STAU2: variants seen among roughly 807,000 people sequenced by gnomAD.
STAU2 encodes double-stranded RNA-binding protein Staufen homolog 2.
A neutral mutation model predicts 65.9 loss-of-function variants in STAU2; 20 were observed. The ratio of observed to expected loss-of-function variants is 0.30; its 90% confidence interval spans 0.21 to 0.44. The LOEUF is 0.44. STAU2 is among the 20% of genes least tolerant of loss of function. STAU2 has a pLI of 1.00. For synonymous variants in STAU2, 232 were observed against 233.9 expected (o/e 0.99, Z 0.07); for missense variants, 558 against 683.9 (o/e 0.82, Z 2.05).
At chr8:73,463,710 CCT>C (rs918533946) in intron 13 of STAU2, among the ~76,000 whole-genome samples, 8 of 152,166 alleles carry the variant, frequency 5.3e-5, no homozygotes, top group African/African-American at 1.9e-4. Context: ...CAGGAAATTT[CCT>C]CTGTTCCTTG....
chr8:73,423,482 C>A (rs990682791), intron 13 of STAU2, among the ~76,000 whole-genome samples: 3 of 152,164 alleles, frequency 2.0e-5, no homozygotes, highest in Non-Finnish European at 4.4e-5. Context: ...CTCCCCCAAG[C>A]CCGACACTGC....
chr8:73,490,282 C>T (rs1444472869), intron 13 of STAU2, among the ~76,000 whole-genome samples: 2 of 151,982 alleles, frequency 1.3e-5, no homozygotes, highest in Non-Finnish European at 2.9e-5. Context: ...ATGGACACCG[C>T]GCAACCCTCT....
At chr8:73,553,644 C>G (rs1436196064) in intron 12 of STAU2, among the ~76,000 whole-genome samples, 3 of 151,906 alleles carry the variant, frequency 2.0e-5, no homozygotes, top group African/African-American at 7.3e-5. Context: ...GAGGCTAGCC[C>G]AACTCTCCTC....
intron 13 of STAU2, chr8:73,527,608 T>A (rs1221046582): frequency 1.0e-6 from 1 of 991,240 alleles, no homozygotes; most frequent in African/African-American, 1.6e-5. Context: ...CAAAGCTGCA[T>A]GTGCGCACAT....
rs1387667933 is a variant in STAU2, at chr8:73,738,311, A to G, written c.-45T>C. On this transcript the variant is annotated 5_prime_UTR_variant, in exon 3 of 15. Coordinates refer to ENST00000524300, the MANE Select transcript of STAU2 (RefSeq NM_001164380.2). ...GATTTATTTGAAGCATGTTAAGACA[A>G]TATTGACCAAACTGCTGTATCCCTC... 3 of 1,606,654 alleles carry G rather than the reference A, an allele frequency of 1.9e-6. No homozygotes were observed. Among genetic ancestry groups the G allele is most frequent in the Non-Finnish European group, 2.5e-6 (3 of 1,177,702 alleles).
Position 73,422,528 on chromosome 8 carries a change from G to T in STAU2, c.1619+86C>A. 3 of 1,071,328 alleles carry T rather than the reference G, an allele frequency of 2.8e-6. No individual in the cohort carries two copies. In the South Asian group the frequency reaches 5.6e-5, roughly 20 times the overall value. 66.4% of individuals were successfully genotyped at this position (1,071,328 alleles called of 1,614,324 possible). On this transcript the variant is annotated intron_variant, in intron 14 of 14. Coordinates refer to ENST00000524300, the MANE Select transcript of STAU2 (RefSeq NM_001164380.2). ...TGTGTAAGATGTAGATACTATTGTCGACTTTTTAAAACATTATTATCTATG... is the reference window on the plus strand; with the variant it reads ...TGTGTAAGATGTAGATACTATTGTCTACTTTTTAAAACATTATTATCTATG...
At chr8:73,572,518 G>A (rs1053440749) in intron 12 of STAU2, among the ~76,000 whole-genome samples, 16 of 152,094 alleles carry the variant, frequency 1.1e-4, no homozygotes, top group African/African-American at 1.9e-4. Context: ...CTGGCAAACC[G>A]AATCCAGCAA....
chr8:73,618,497 GT>G (rs1347944705), intron 6 of STAU2, among the ~76,000 whole-genome samples: 4 of 152,220 alleles, frequency 2.6e-5, no homozygotes, highest in Non-Finnish European at 4.4e-5. Flanking sequence ...TCTGGCAAAA[GT>G]TTAGGGAGAC....
At chr8:73,573,856 T>C (rs1586036002) in intron 12 of STAU2, among the ~76,000 whole-genome samples, 1 of 151,866 alleles carries the variant, frequency 6.6e-6, no homozygotes, top group African/African-American at 2.4e-5. Context: ...AAGGAGTTCA[T>C]GACTAAAACA....
intron 13 of STAU2, among the ~76,000 whole-genome samples, chr8:73,483,919 C>T (rs1820777586): frequency 6.6e-6 from 1 of 152,124 alleles, no homozygotes; most frequent in African/African-American, 2.4e-5. Context: ...AGAGTCACTG[C>T]TCTTGCTAGT....
At chr8:73,649,869 TTATATATATATATATA>T (rs55814743) in intron 6 of STAU2, among the ~76,000 whole-genome samples, 3,242 of 71,626 alleles carry the variant, frequency 0.045, 157 homozygotes, top group Non-Finnish European at 0.056. Flanking sequence ...CTATATAATT[TTATATATATATATATA>T]TATATATATA....
chr8:73,613,540 T>G (rs1490455886), intron 9 of STAU2, among the ~76,000 whole-genome samples: 1 of 152,212 alleles, frequency 6.6e-6, no homozygotes, highest in African/African-American at 2.4e-5. Flanking sequence ...GGTATTATGA[T>G]TATTTGATGT....
intron 13 of STAU2, among the ~76,000 whole-genome samples, chr8:73,448,934 G>A (rs886854114): frequency 7.2e-5 from 11 of 152,380 alleles, no homozygotes; most frequent in African/African-American, 2.6e-4. Flanking sequence ...CGGACAGCGG[G>A]TACTCTGAGG....
At chr8:73,674,257 G>T (rs1463109812) in intron 5 of STAU2, among the ~76,000 whole-genome samples, 1 of 151,618 alleles carries the variant, frequency 6.6e-6, no homozygotes, top group East Asian at 1.9e-4. Flanking sequence ...ATCCAAAAGG[G>T]GTGGGGGAGC....
Position 73,738,318 on chromosome 8 carries a change from C to A in STAU2, c.-52G>T. 6.2e-7 allele frequency: 1 copy of A among 1,604,888 alleles called. No homozygotes were observed. Among genetic ancestry groups the A allele is most frequent in the Non-Finnish European group, 8.5e-7 (1 of 1,177,126 alleles). On this transcript the variant is annotated 5_prime_UTR_variant, in exon 3 of 15. Transcript: ENST00000524300. ...TTGAAGCATGTTAAGACAATATTGACCAAACTGCTGTATCCCTCACGGCTC... is the reference window on the plus strand; with the variant it reads ...TTGAAGCATGTTAAGACAATATTGAACAAACTGCTGTATCCCTCACGGCTC...
chr8:73,574,255 A>G (rs563567214), intron 12 of STAU2, among the ~76,000 whole-genome samples: 5 of 152,336 alleles, frequency 3.3e-5, no homozygotes, highest in Admixed American at 6.5e-5. Flanking sequence ...GTCAGGAAAC[A>G]ACAGGTGCTG....
At chr8:73,601,834 C>A (rs1248350613) in intron 10 of STAU2, among the ~76,000 whole-genome samples, 3 of 152,118 alleles carry the variant, frequency 2.0e-5, no homozygotes, top group Non-Finnish European at 4.4e-5. Flanking sequence ...AAAGCCAAAG[C>A]CAGTTTATAT....
chr8:73,625,698 G>C (rs1374051758), intron 6 of STAU2, among the ~76,000 whole-genome samples: 1 of 152,096 alleles, frequency 6.6e-6, no homozygotes, highest in Non-Finnish European at 1.5e-5. Context: ...AGTTAATCTT[G>C]TGTTACGTAA....
chr8:73,688,838 GA>G (rs758887819), intron 4 of STAU2, 25 bp from the exon 5 acceptor site: 1 of 1,604,956 alleles, frequency 6.2e-7, no homozygotes, highest in South Asian at 1.1e-5. Context: ...AATAGACAAA[GA>G]AAACATTAAG....
Sources: gnomAD v4.1 joint callset for allele counts (sites outside exome capture counted in the v4.1 genomes callset) on GRCh38, gnomAD v4.1.1 for gene constraint, MANE v1.5 for transcripts, NCBI Gene and HGNC (gene_info 2026-07-23, HGNC 2026-07-21) for gene names.